Variants in PAK1 observed in about 807,000 individuals in gnomAD.
The protein encoded by PAK1 is p21 (RAC1) activated kinase 1, also known as serine/threonine-protein kinase PAK 1.
A neutral mutation model predicts 67.4 loss-of-function variants in PAK1; 29 were observed. That is an observed-to-expected ratio of 0.43 (90% confidence interval 0.32 to 0.59). The LOEUF (loss-of-function observed/expected upper bound fraction) is 0.59. PAK1 is among the 20% of genes least tolerant of loss of function. The pLI, the probability that PAK1 is intolerant of heterozygous loss-of-function variation, is 0.07. For missense variants in PAK1, 337 were observed against 670.7 expected, an observed-to-expected ratio of 0.50 and a Z score of 5.50; for synonymous variants, 223 against 237.4, an observed-to-expected ratio of 0.94 and a Z score of 0.56.
At chr11:77,376,971 A>C (rs1474816876) in intron 4 of PAK1, among the ~76,000 whole-genome samples, 1 of 152,056 alleles carries the variant, frequency 6.6e-6, no homozygotes, top group Non-Finnish European at 1.5e-5. Context: ...TGCCAATCTA[A>C]GGCCATCATA....
intron 5 of PAK1, among the ~76,000 whole-genome samples, chr11:77,360,439 C>G (rs1007415018): frequency 6.6e-6 from 1 of 152,132 alleles, no homozygotes; most frequent in Non-Finnish European, 1.5e-5. Context: ...CTTTCCCTGT[C>G]AAAATATGTA....
chr11:77,374,346 G>T lies in PAK1; in HGVS notation c.459C>A (p.Tyr153Ter). The T allele has an allele frequency of 6.3e-7, 1 of 1,594,636 alleles. No homozygotes were observed. The highest frequency in any genetic ancestry group is 8.6e-7 in the Non-Finnish European group (1 of 1,162,404). The change falls in exon 5 of 15, where the codon TAC becomes TAA. Residue 153 changes from tyrosine to a stop codon, truncating the protein, a stop_gained. Transcript: ENST00000356341. LOFTEE classifies it high-confidence loss of function. ...GACTTACCAAGGCATTAGAAGAATT[G>T]TAATCCTCAGCTGACTTATCTGCAC... ...MSFTDKSAED[Y>*]NSSNALNVKA...
chr11:77,449,603 C>T (rs907032775), intron 1 of PAK1, among the ~76,000 whole-genome samples: 4 of 149,538 alleles, frequency 2.7e-5, no homozygotes, highest in Non-Finnish European at 4.4e-5. Flanking sequence ...CAATGAGACA[C>T]GAAGATCTTT....
intron 1 of PAK1, among the ~76,000 whole-genome samples, chr11:77,442,952 C>G (rs976311742): frequency 3.9e-5 from 6 of 152,140 alleles, no homozygotes; most frequent in Non-Finnish European, 8.8e-5. Context: ...ATTGAAGATA[C>G]AGAGATATCA....
chr11:77,414,277 T>C (rs1047838695), intron 1 of PAK1, among the ~76,000 whole-genome samples: 9 of 152,236 alleles, frequency 5.9e-5, no homozygotes, highest in African/African-American at 2.2e-4. Flanking sequence ...TCACTGGGGA[T>C]AGACACATCA....
intron 5 of PAK1, among the ~76,000 whole-genome samples, chr11:77,366,701 G>A (rs114012747): frequency 0.015 from 2,214 of 152,182 alleles, 46 homozygotes; most frequent in African/African-American, 0.051. Context: ...ACAACAACAG[G>A]GACAGGCAAA....
intron 12 of PAK1, 48 bp downstream of exon 12, chr11:77,337,275 AG>A (rs1591733574): frequency 1.1e-6 from 1 of 886,532 alleles, no homozygotes; most frequent in South Asian, 1.5e-5. Context: ...CACAGGAGAC[AG>A]GGCCCCACAG....
chr11:77,459,818 C>CT (rs1352933767), intron 1 of PAK1, among the ~76,000 whole-genome samples: 1 of 151,794 alleles, frequency 6.6e-6, no homozygotes, highest in Admixed American at 6.6e-5. Context: ...TGAGCCACCC[C>CT]CGCGAGCAGC....
the PAK1 span, among the ~76,000 whole-genome samples, chr11:77,487,495 G>C: frequency 4.6e-5 from 7 of 151,876 alleles, no homozygotes; most frequent in African/African-American, 1.5e-4. Flanking sequence ...CACCAAGCAG[G>C]CTCTTGGGGT....
At chr11:77,339,321 G>A (rs1943220766) in intron 11 of PAK1, among the ~76,000 whole-genome samples, 1 of 152,078 alleles carries the variant, frequency 6.6e-6, no homozygotes, top group Admixed American at 6.6e-5. Context: ...CTGAGGGTAA[G>A]GGGGTGGGGT....
the PAK1 span, among the ~76,000 whole-genome samples, chr11:77,521,475 G>C: frequency 1.3e-5 from 2 of 151,920 alleles, no homozygotes; most frequent in African/African-American, 2.4e-5. Context: ...GTTGCTGTGA[G>C]CCAAGATCGT....
At chr11:77,511,695 T>G in the PAK1 span, among the ~76,000 whole-genome samples, 3 of 152,212 alleles carry the variant, frequency 2.0e-5, no homozygotes, top group African/African-American at 7.2e-5. Flanking sequence ...CTTTAAATTT[T>G]TGTCCCCTAA....
At chr11:77,423,332 T>TAA (rs142590494) in intron 1 of PAK1, among the ~76,000 whole-genome samples, 3 of 134,398 alleles carry the variant, frequency 2.2e-5, no homozygotes, top group Admixed American at 7.7e-5. Flanking sequence ...CCAAGTTCTT[T>TAA]AAAAAAAAAA....
intron 10 of PAK1, among the ~76,000 whole-genome samples, chr11:77,343,087 C>G (rs1943876650): frequency 6.6e-6 from 1 of 152,010 alleles, no homozygotes; most frequent in Admixed American, 6.6e-5. Flanking sequence ...CAATGAGATA[C>G]TGTTCATGAA....
chr11:77,358,778 C>A, intron 6 of PAK1, 120 bp downstream of exon 6: 1 of 935,794 alleles, frequency 1.1e-6, no homozygotes, highest in South Asian at 1.6e-5. Flanking sequence ...GTGATTTCAC[C>A]AGCTCCAAAA....
intron 9 of PAK1, among the ~76,000 whole-genome samples, chr11:77,348,639 T>C (rs1168934065): frequency 1.3e-5 from 2 of 152,210 alleles, no homozygotes; most frequent in Non-Finnish European, 1.5e-5. Context: ...TTCTTTTTCC[T>C]TTCTCCTTGA....
intron 14 of PAK1, among the ~76,000 whole-genome samples, chr11:77,332,522 C>A (rs181437521): frequency 1.3e-5 from 2 of 150,760 alleles, no homozygotes; most frequent in Non-Finnish European, 3.0e-5. Context: ...CCTAGGAGAA[C>A]GTGTAGAGTT....
At chr11:77,514,621 A>G in the PAK1 span, among the ~76,000 whole-genome samples, 1 of 152,224 alleles carries the variant, frequency 6.6e-6, no homozygotes, top group South Asian at 2.1e-4. Flanking sequence ...AAAAGTTTCC[A>G]TCTACATTTA....
At chr11:77,348,062 G>T (rs1270322894) in intron 9 of PAK1, among the ~76,000 whole-genome samples, 1 of 152,012 alleles carries the variant, frequency 6.6e-6, no homozygotes, top group Non-Finnish European at 1.5e-5. Context: ...TTAATATTTG[G>T]CTTTAACACT....
Sources: allele counts gnomAD v4.1 joint callset (sites outside exome capture counted in the v4.1 genomes callset), GRCh38; gene constraint gnomAD v4.1.1; transcripts MANE v1.5; gene names NCBI Gene and HGNC (gene_info 2026-07-23, HGNC 2026-07-21).